CNTNAP5: variants seen among roughly 807,000 people sequenced by gnomAD.
CNTNAP5 encodes the protein contactin associated protein family member 5.
A neutral mutation model predicts 150.2 loss-of-function variants in CNTNAP5; 72 were observed. The observed-to-expected ratio is 0.48, with a 90% CI of 0.40 to 0.58. The LOEUF (loss-of-function observed/expected upper bound fraction) is 0.58. Ranked by LOEUF, CNTNAP5 falls within the 20% of genes least tolerant of loss-of-function variation. CNTNAP5 has a pLI of 0.00. For missense variants in CNTNAP5, 1,636 were observed against 1,626.2 expected (o/e 1.01, Z -0.10); for synonymous variants, 672 against 619.8 (o/e 1.08, Z -1.25).
At chr2:124,692,393 C>T (rs1392970967) in intron 13 of CNTNAP5, among the ~76,000 whole-genome samples, 1 of 152,054 alleles carries the variant, frequency 6.6e-6, no homozygotes, top group Admixed American at 6.6e-5. Flanking sequence ...GTGTCTGAGA[C>T]CATATGGCTT....
chr2:124,681,890 T>C (rs1344523351), intron 13 of CNTNAP5, among the ~76,000 whole-genome samples: 3 of 152,134 alleles, frequency 2.0e-5, no homozygotes, highest in Non-Finnish European at 4.4e-5. Flanking sequence ...TTCTTGTTTT[T>C]ATTTTTCAAT....
intron 11 of CNTNAP5, among the ~76,000 whole-genome samples, chr2:124,566,659 C>G (rs1438122583): frequency 6.6e-6 from 1 of 152,208 alleles, no homozygotes; most frequent in African/African-American, 2.4e-5. Context: ...ATCAAAATCC[C>G]TTGAATATTT....
intron 10 of CNTNAP5, among the ~76,000 whole-genome samples, chr2:124,557,291 CAGA>C (rs1695780394): frequency 6.6e-6 from 1 of 151,626 alleles, no homozygotes; most frequent in African/African-American, 2.4e-5. Flanking sequence ...TGTGGCTGCA[CAGA>C]AGAAGGCTCT....
At chr2:124,627,347 T>C (rs1231269919) in intron 12 of CNTNAP5, among the ~76,000 whole-genome samples, 1 of 152,062 alleles carries the variant, frequency 6.6e-6, no homozygotes, top group African/African-American at 2.4e-5. Context: ...CAGGTCAGTG[T>C]CCCTCTAGGA....
At chr2:124,665,000 C>T (rs1678668926) in intron 13 of CNTNAP5, among the ~76,000 whole-genome samples, 1 of 152,174 alleles carries the variant, frequency 6.6e-6, no homozygotes, top group African/African-American at 2.4e-5. Flanking sequence ...AAGTTTAATC[C>T]TACCGTGTGC....
At chr2:124,731,393 C>A (rs75205588) in intron 13 of CNTNAP5, among the ~76,000 whole-genome samples, 3 of 151,594 alleles carry the variant, frequency 2.0e-5, no homozygotes. Context: ...TGCTTATTAA[C>A]CATCAACAAT....
intron 1 of CNTNAP5, among the ~76,000 whole-genome samples, chr2:124,052,335 C>A (rs1681717399): frequency 6.6e-6 from 1 of 152,132 alleles, no homozygotes; most frequent in African/African-American, 2.4e-5. Context: ...AAAACTCTGA[C>A]CCAGGGGAGT....
intron 7 of CNTNAP5, among the ~76,000 whole-genome samples, chr2:124,503,366 C>A (rs1164433355): frequency 6.6e-6 from 1 of 152,166 alleles, no homozygotes; most frequent in Non-Finnish European, 1.5e-5. Flanking sequence ...AACTGTACTG[C>A]GTATCTAACT....
chr2:124,380,573 T>C (rs1690765839), intron 3 of CNTNAP5, among the ~76,000 whole-genome samples: 2 of 152,220 alleles, frequency 1.3e-5, no homozygotes, highest in Non-Finnish European at 2.9e-5. Context: ...GCACATATCA[T>C]GTACTTTAGC....
chr2:124,687,570 T>C (rs1573548141), intron 13 of CNTNAP5, among the ~76,000 whole-genome samples: 1 of 151,304 alleles, frequency 6.6e-6, no homozygotes, highest in Non-Finnish European at 1.5e-5. Context: ...AGAATATTGA[T>C]GTGAAAGGTG....
intron 1 of CNTNAP5, among the ~76,000 whole-genome samples, chr2:124,133,110 G>C (rs1354475408): frequency 1.3e-5 from 2 of 152,112 alleles, no homozygotes; most frequent in Non-Finnish European, 2.9e-5. Context: ...AAGAAAATAG[G>C]CTAGTTATCA....
intron 19 of CNTNAP5, among the ~76,000 whole-genome samples, chr2:124,857,905 C>T (rs1164519916): frequency 1.3e-5 from 2 of 152,054 alleles, no homozygotes; most frequent in African/African-American, 4.8e-5. Context: ...TGTATAAGAA[C>T]AAGTCAAGTG....
At chr2:124,407,131 T>C (rs1200483596) in intron 3 of CNTNAP5, among the ~76,000 whole-genome samples, 1 of 152,206 alleles carries the variant, frequency 6.6e-6, no homozygotes, top group Non-Finnish European at 1.5e-5. Flanking sequence ...CTGTTGTAAG[T>C]AGTGCTGTGA....
chr2:124,773,471 A>G (rs1295538583), intron 17 of CNTNAP5, among the ~76,000 whole-genome samples: 2 of 152,176 alleles, frequency 1.3e-5, no homozygotes, highest in African/African-American at 2.4e-5. Flanking sequence ...ATTTTCGTCA[A>G]CAGTAACATG....
chr2:124,797,845 C>T (rs910052517), intron 18 of CNTNAP5, among the ~76,000 whole-genome samples: 1 of 152,168 alleles, frequency 6.6e-6, no homozygotes, highest in African/African-American at 2.4e-5. Flanking sequence ...AGGAGGAAAA[C>T]CTGAGCTTTC....
At chr2:124,488,749 C>T (rs890355053) in intron 7 of CNTNAP5, among the ~76,000 whole-genome samples, 1 of 152,148 alleles carries the variant, frequency 6.6e-6, no homozygotes, top group African/African-American at 2.4e-5. Flanking sequence ...CCAAGATGAA[C>T]TTGAAGGATC....
intron 2 of CNTNAP5, among the ~76,000 whole-genome samples, chr2:124,234,117 T>C (rs1449883289): frequency 6.6e-6 from 1 of 152,102 alleles, no homozygotes; most frequent in Non-Finnish European, 1.5e-5. Flanking sequence ...GGGAGAGTAA[T>C]TTTTTTCCAT....
At chr2:124,033,085 A>G (rs1681109032) in intron 1 of CNTNAP5, among the ~76,000 whole-genome samples, 1 of 152,158 alleles carries the variant, frequency 6.6e-6, no homozygotes, top group Non-Finnish European at 1.5e-5. Context: ...ATGTGCTATC[A>G]TTGGTAATTG....
chr2:124,343,969 T>A (rs1200429588), intron 3 of CNTNAP5, among the ~76,000 whole-genome samples: 1 of 152,022 alleles, frequency 6.6e-6, no homozygotes, highest in Non-Finnish European at 1.5e-5. Context: ...ACTAACCGGT[T>A]CTTGTTGAAA....
Sources: gnomAD v4.1 joint callset for allele counts (sites outside exome capture counted in the v4.1 genomes callset) on GRCh38, gnomAD v4.1.1 for gene constraint, MANE v1.5 for transcripts, NCBI Gene and HGNC (gene_info 2026-07-23, HGNC 2026-07-21) for gene names.